TOP2B: variants seen among roughly 807,000 people sequenced by gnomAD.
TOP2B encodes DNA topoisomerase II beta.
A neutral mutation model predicts 193.5 loss-of-function variants in TOP2B; 51 were observed. That is an observed-to-expected ratio of 0.26 (90% CI 0.21 to 0.33). The LOEUF is 0.33. Among genes scored for constraint, TOP2B ranks in the 10% least tolerant of loss-of-function variants. The pLI, the probability that TOP2B is intolerant of heterozygous loss-of-function variation, is 1.00. For synonymous variants in TOP2B, 634 were observed against 635.7 expected, an observed-to-expected ratio of 1.00 and a Z score of 0.04; for missense variants, 1,378 against 1,909.3, an observed-to-expected ratio of 0.72 and a Z score of 5.19.
chr3:25,640,916 T>C (rs1049157633), intron 4 of TOP2B, among the ~76,000 whole-genome samples: 9 of 151,940 alleles, frequency 5.9e-5, no homozygotes, highest in African/African-American at 2.2e-4. Context: ...GCCGCCACCA[T>C]GCCCAGATAA....
intron 1 of TOP2B, among the ~76,000 whole-genome samples, chr3:25,654,003 T>C (rs948841905): frequency 2.0e-5 from 3 of 152,040 alleles, no homozygotes; most frequent in Non-Finnish European, 2.9e-5. Context: ...TAACAGCACA[T>C]ATACTGGTGA....
chr3:25,626,561 A>G lies in TOP2B; in HGVS notation c.2223T>C (p.Asp741=), dbSNP rs759844968. The part of the protein sequence containing the change: ...DNERSIPSLV[D]GFKPGQRKVL... ...ATGAGGTTTTTAAATATTACTCACC[A>G]TCAACAAGAGATGGTATAGATCTTT... The change falls in exon 18 of 36, where the codon GAT becomes GAC. Residue 741 remains aspartate, a splice_region_variant and synonymous_variant. Transcript: ENST00000264331. 6.8e-6 allele frequency: 10 copies of G among 1,472,248 alleles called. No individual in the cohort carries two copies. Among genetic ancestry groups the G allele is most frequent in the Non-Finnish European group, 9.1e-6 (10 of 1,101,692 alleles). 91.2% of individuals were successfully genotyped at this position (1,472,248 alleles called of 1,614,324 possible).
chr3:25,627,367 G>A, intron 15 of TOP2B, 71 bp from the exon 16 acceptor site: 1 of 1,006,602 alleles, frequency 9.9e-7, no homozygotes, highest in South Asian at 1.8e-5. Flanking sequence ...GTAAAAAGCT[G>A]GTGGAAAAGT....
Position 25,619,891 on chromosome 3 carries a change from G to A in TOP2B, c.3034C>T (p.Leu1012Phe). The change falls in exon 23 of 36, where the codon CTT becomes TTT. Residue 1012 changes from leucine to phenylalanine, a missense_variant. Physicochemically the swap from Leu to Phe is conservative, Grantham distance 22. This residue lies in a region of TOP2B where 379 missense variants were observed against 615.1 expected (regional missense o/e 0.62). Coordinates refer to ENST00000264331, the MANE Select transcript of TOP2B (RefSeq NM_001330700.2). ...GAATTACAAGTAAGAGTAGTTTGAA[G>A]TTTAAAAACTTTATGCAGTCCAGCA... is the stretch of plus-strand genomic sequence containing the variant. ...EAAGLHKVFK[L>F]QTTLTCNSMV... The A allele has an allele frequency of 6.2e-7, 1 of 1,612,580 alleles. No homozygotes were observed. Among genetic ancestry groups the A allele is most frequent in the Non-Finnish European group, 8.5e-7 (1 of 1,179,108 alleles).
chr3:25,635,276 C>T (rs1169099504), intron 7 of TOP2B, among the ~76,000 whole-genome samples: 2 of 152,102 alleles, frequency 1.3e-5, no homozygotes, highest in Admixed American at 6.6e-5. Flanking sequence ...CACACTAATG[C>T]TTATTTACCT....
At chr3:25,619,738 G>GAAAAA (rs375797612) in intron 23 of TOP2B, 124 bp downstream of exon 23, 22 of 524,140 alleles carry the variant, frequency 4.2e-5, no homozygotes, top group East Asian at 9.6e-5. Flanking sequence ...TGCAGGATGG[G>GAAAAA]AAAAAAAAAA....
intron 1 of TOP2B, among the ~76,000 whole-genome samples, chr3:25,648,125 A>G (rs1188112307): frequency 6.6e-6 from 1 of 152,222 alleles, no homozygotes; most frequent in Non-Finnish European, 1.5e-5. Context: ...CTACCCTAGA[A>G]ACTTCTTGAC....
Position 25,618,789 on chromosome 3 carries a change from C to G in TOP2B, c.3124G>C (p.Glu1042Gln). ...TAACTTAATCGTAAATCAAAGAATTCTTTCAGAATGTCTTGCACAGTTTCA... is the reference window on the plus strand; with the variant it reads ...TAACTTAATCGTAAATCAAAGAATTGTTTCAGAATGTCTTGCACAGTTTCA... Reference protein sequence around the residue: ...KYETVQDILKEFFDLRLSYYG... With the variant: ...KYETVQDILKQFFDLRLSYYG... Residue 1042 changes from glutamate (E) to glutamine (Q), a missense_variant, in exon 24 of 36, where the codon GAA (glutamate) becomes CAA (glutamine). Transcript: ENST00000264331. 2.5e-6 allele frequency: 4 copies of G among 1,611,882 alleles called. No individual in the cohort carries two copies. Among genetic ancestry groups the G allele is most frequent in the Non-Finnish European group, 3.4e-6 (4 of 1,178,796 alleles).
rs1244047807 is a variant in TOP2B, at chr3:25,637,303, T to C, written c.551A>G (p.Asn184Ser). ...ATTACAAAGTTTTGCACCATAACCA[T>C]TACGACCACCTGTAAGAAAAATTAA... ...DDEKKVTGGRNGYGAKLCNIF... is the reference protein window; with the variant it reads ...DDEKKVTGGRSGYGAKLCNIF... Residue 184 changes from asparagine to serine, a missense_variant, in exon 6 of 36, where the codon AAT becomes AGT. Physicochemically the swap from Asn to Ser is conservative, Grantham distance 46 (BLOSUM62 1). Transcript: ENST00000264331. The C allele has an allele frequency of 6.4e-7, 1 of 1,552,856 alleles. No homozygotes were observed. The highest frequency in any genetic ancestry group is 1.4e-5 in the African/African-American group (1 of 73,090).
chr3:25,602,875 T>C (rs893347787), intron 33 of TOP2B, among the ~76,000 whole-genome samples: 5 of 152,184 alleles, frequency 3.3e-5, no homozygotes, highest in African/African-American at 4.8e-5. Context: ...GGAGTTAACA[T>C]AGACAATCCC....
intron 1 of TOP2B, among the ~76,000 whole-genome samples, chr3:25,646,770 CATT>C (rs1285233398): frequency 2.0e-5 from 3 of 152,096 alleles, no homozygotes; most frequent in Non-Finnish European, 4.4e-5. Flanking sequence ...AAAACTGTAT[CATT>C]AAGTATGTTT....
intron 1 of TOP2B, among the ~76,000 whole-genome samples, chr3:25,656,211 G>T (rs951928982): frequency 6.6e-6 from 1 of 152,118 alleles, no homozygotes; most frequent in Non-Finnish European, 1.5e-5. Flanking sequence ...TCTATTTAAA[G>T]TCAGGAAAAG....
At chr3:25,618,967 CACAGACTACCCCTAAAAACCATTAA>C in intron 23 of TOP2B, 118 bp from the exon 24 acceptor site, 1 of 681,944 alleles carries the variant, frequency 1.5e-6, no homozygotes, top group Non-Finnish European at 2.2e-6. Flanking sequence ...TGTGTGTGAA[CACAGACTACCCCTAAAAACCATTAA>C]ACAGAACTAA....
At chr3:25,634,692 A>G (rs1180006809) in intron 7 of TOP2B, among the ~76,000 whole-genome samples, 1 of 145,522 alleles carries the variant, frequency 6.9e-6, no homozygotes, top group Non-Finnish European at 1.5e-5. Flanking sequence ...GAGAATCTAG[A>G]GGTTTCCCCT....
chr3:25,603,093 T>A (rs1702148653), intron 33 of TOP2B, among the ~76,000 whole-genome samples: 2 of 152,268 alleles, frequency 1.3e-5, no homozygotes, highest in South Asian at 4.1e-4. Context: ...AGCTTTTTGG[T>A]CATGCTAAAC....
At chr3:25,635,870 G>A in intron 7 of TOP2B, 66 bp downstream of exon 7, 2 of 1,376,310 alleles carry the variant, frequency 1.5e-6, no homozygotes, top group Non-Finnish European at 2.0e-6. Flanking sequence ...CTTTAAAAAA[G>A]GAAGACCCAA....
At chr3:25,641,986 GTAAACT>G (rs1192259352) in intron 4 of TOP2B, among the ~76,000 whole-genome samples, 4 of 152,038 alleles carry the variant, frequency 2.6e-5, no homozygotes, top group Non-Finnish European at 5.9e-5. Context: ...GTCATGAAAA[GTAAACT>G]TAAAGTATAA....
intron 35 of TOP2B, among the ~76,000 whole-genome samples, chr3:25,599,155 G>T (rs949821752): frequency 1.2e-4 from 19 of 152,076 alleles, no homozygotes; most frequent in Admixed American, 1.2e-3. Context: ...TAATATTTTA[G>T]TCTGAAAGAG....
At chr3:25,663,741 T>C (rs1703989045) in intron 1 of TOP2B, among the ~76,000 whole-genome samples, 1 of 152,208 alleles carries the variant, frequency 6.6e-6, no homozygotes, top group Admixed American at 6.5e-5. Context: ...TGCAAGTTGC[T>C]GTAGAAATCC....
Sources: allele counts gnomAD v4.1 joint callset (sites outside exome capture counted in the v4.1 genomes callset), GRCh38; gene constraint gnomAD v4.1.1; regional missense constraint gnomAD v4.1.1; transcripts MANE v1.5; gene names NCBI Gene and HGNC (gene_info 2026-07-23, HGNC 2026-07-21).